RAB18: variants seen among roughly 807,000 people sequenced by gnomAD.
RAB18 encodes RAB18, member RAS oncogene family, also known as ras-related protein Rab-18.
Under a neutral mutation model 28.5 loss-of-function variants are expected in RAB18, and 10 were observed. That is an observed-to-expected ratio of 0.35 (90% CI 0.22 to 0.60). The LOEUF (loss-of-function observed/expected upper bound fraction) is 0.60. Ranked by LOEUF, RAB18 falls within the 20% of genes least tolerant of loss-of-function variation. The pLI is 0.78. For synonymous variants in RAB18, 93 were observed against 86.9 expected (o/e 1.07, Z -0.39); for missense variants, 188 against 244.2 (o/e 0.77, Z 1.53).
At position 27,541,492 on chromosome 10, in the gene RAB18, A is replaced by G. The variant is rs1028713271; in HGVS notation, c.*3441A>G. On this transcript the variant is annotated 3_prime_UTR_variant, in exon 7 of 7. Transcript: ENST00000356940. ...CAGTCATGTTTCTGATTGTGGTATA[A>G]AGTTTGCTTAAGTGCCCCTTAGTTA... The G allele has an allele frequency of 6.6e-6, 3 of 453,750 alleles. No homozygotes were observed. The highest frequency in any genetic ancestry group is 6.0e-5 in the African/African-American group (3 of 49,902). 28.1% of individuals were successfully genotyped at this position (453,750 alleles called of 1,614,324 possible).
At position 27,504,350 on chromosome 10, in the gene RAB18, C is replaced by G; in HGVS notation, c.-20C>G. 2 of 1,568,692 alleles carry G rather than the reference C, an allele frequency of 1.3e-6. No individual in the cohort carries two copies. The highest frequency in any genetic ancestry group is 1.7e-6 in the Non-Finnish European group (2 of 1,157,580). On this transcript the variant is annotated 5_prime_UTR_variant, in exon 1 of 7. Transcript: ENST00000356940. ...GCGCACCCGGGCGGCCAGCTGGGCT[C>G]GGAGCGGAACGGGGTCAGGATGGAC... is the stretch of plus-strand genomic sequence containing the variant.
chr10:27,540,876 A>C lies in RAB18; in HGVS notation c.*2825A>C, dbSNP rs1424015831. 20 of 453,944 alleles carry C rather than the reference A, an allele frequency of 4.4e-5. No individual in the cohort carries two copies. Among genetic ancestry groups the C allele is most frequent in the Non-Finnish European group, 7.9e-5 (18 of 226,776 alleles). The allele number at this position is 453,944 out of a possible 1,614,324, so 28.1% of individuals were successfully genotyped here. On this transcript the variant is annotated 3_prime_UTR_variant, in exon 7 of 7. Coordinates refer to ENST00000356940, the MANE Select transcript of RAB18 (RefSeq NM_021252.5). Reference sequence around the variant, plus strand: ...GGTCAAGAGACATGATTCTCTACTAAGGGTGGGGCTAGCACCATAGCTCAT... The same window carrying C: ...GGTCAAGAGACATGATTCTCTACTACGGGTGGGGCTAGCACCATAGCTCAT...
Position 27,520,916 on chromosome 10 carries a change from C to CAAAA in RAB18, c.125-5890_125-5887dup, listed in dbSNP as rs58688075. On this transcript the variant is annotated intron_variant, in intron 2 of 6. Coordinates refer to ENST00000356940, the MANE Select transcript of RAB18 (RefSeq NM_021252.5). ...TGGGTGACAGAGCAAGACTCCATCT[C>CAAAA]AAAAAAAAAAAAAAAAAAAAAAAAA... Among the ~76,000 whole-genome samples the CAAAA allele has an allele frequency of 3.5e-3, 139 of 40,080 alleles. 6 individuals carry two copies. The highest frequency in any genetic ancestry group is 0.013 in the African/African-American group (127 of 10,158). The allele number at this position is 40,080 out of a possible 152,430, so 26.3% of individuals were successfully genotyped here. A position where few individuals can be genotyped will look rare whatever the true frequency, so the allele number is the denominator to read the frequency against.
Position 27,539,520 on chromosome 10 carries a change from A to G in RAB18, c.*1469A>G, listed in dbSNP as rs1564840319. On this transcript the variant is annotated 3_prime_UTR_variant, in exon 7 of 7. Transcript: ENST00000356940. The stretch of plus-strand genomic sequence containing the variant: ...TGGTTGAAGGTTTTATACATTCTAT[A>G]TGCTTTTACTAAATATACAAGATTT... 7.9e-6 allele frequency: 3 copies of G among 378,018 alleles called. No individual in the cohort carries two copies. Among genetic ancestry groups the G allele is most frequent in the South Asian group, 4.2e-5 (2 of 47,698 alleles). The allele number at this position is 378,018 out of a possible 1,614,324, so 23.4% of individuals were successfully genotyped here. A position where few individuals can be genotyped will look rare whatever the true frequency, so the allele number is the denominator to read the frequency against.
intron 2 of RAB18, 79 bp downstream of exon 2, chr10:27,510,009 C>A: frequency 1.9e-6 from 2 of 1,078,064 alleles, no homozygotes; most frequent in Non-Finnish European, 2.9e-6. Context: ...ATCCTTCTAC[C>A]TTCCTCTCAC....
chr10:27,508,725 A>G (rs1016275364), intron 1 of RAB18, among the ~76,000 whole-genome samples: 1 of 152,214 alleles, frequency 6.6e-6, no homozygotes, highest in African/African-American at 2.4e-5. Flanking sequence ...TAATCGTTCA[A>G]ATATATTTAA....
intron 6 of RAB18, among the ~76,000 whole-genome samples, chr10:27,537,224 T>A (rs902644738): frequency 6.6e-6 from 1 of 152,238 alleles, no homozygotes; most frequent in African/African-American, 2.4e-5. Context: ...CAGGCAGTTC[T>A]TGCCAGATTG....
chr10:27,525,276 A>G (rs1834649117), intron 2 of RAB18, among the ~76,000 whole-genome samples: 1 of 152,120 alleles, frequency 6.6e-6, no homozygotes, highest in African/African-American at 2.4e-5. Flanking sequence ...TTAGTTCTTT[A>G]TATACTCCCT....
rs757456013 is a variant in RAB18 at position 27,541,876 on chromosome 10, G to A, written c.*3825G>A. 1 of 448,020 alleles carries A rather than the reference G, an allele frequency of 2.2e-6. No individual in the cohort carries two copies. The highest frequency in any genetic ancestry group is 1.6e-5 in the South Asian group (1 of 63,860). 27.8% of individuals were successfully genotyped at this position (448,020 alleles called of 1,614,324 possible). A position where few individuals can be genotyped will look rare whatever the true frequency, so the allele number is the denominator to read the frequency against. ...ATTGGCATGTGGTTTGGGTGGCATTGTCACACCCTCGGCTTTCTAGATTAA... is the reference window on the plus strand; with the variant it reads ...ATTGGCATGTGGTTTGGGTGGCATTATCACACCCTCGGCTTTCTAGATTAA... On this transcript the variant is annotated 3_prime_UTR_variant, in exon 7 of 7. Transcript: ENST00000356940.
intron 1 of RAB18, 116 bp downstream of exon 1, chr10:27,504,553 C>G: frequency 8.4e-7 from 1 of 1,196,508 alleles, no homozygotes; most frequent in Non-Finnish European, 1.2e-6. Context: ...CGGGCCGGCT[C>G]CGCTCGCGCC....
intron 2 of RAB18, among the ~76,000 whole-genome samples, chr10:27,512,666 C>T (rs1274386148): frequency 6.6e-6 from 1 of 152,112 alleles, no homozygotes; most frequent in Non-Finnish European, 1.5e-5. Flanking sequence ...TTGGTCAGAA[C>T]CTGCCTGAGT....
intron 2 of RAB18, among the ~76,000 whole-genome samples, chr10:27,523,622 T>G (rs1374455812): frequency 1.3e-5 from 2 of 149,934 alleles, no homozygotes; most frequent in Admixed American, 1.3e-4. Context: ...TTTTTTTTTT[T>G]TTTTTTTTGA....
chr10:27,509,296 A>T (rs577593821), intron 1 of RAB18, among the ~76,000 whole-genome samples: 1 of 151,928 alleles, frequency 6.6e-6, no homozygotes, highest in African/African-American at 2.4e-5. Flanking sequence ...GGTTTTACAC[A>T]CTCTACCTAG....
At chr10:27,506,267 G>C (rs1410740400) in intron 1 of RAB18, among the ~76,000 whole-genome samples, 3 of 152,108 alleles carry the variant, frequency 2.0e-5, no homozygotes, top group African/African-American at 7.2e-5. Flanking sequence ...ACAAGTTAGG[G>C]TATGTTAAAA....
rs1025541929 is a variant in RAB18 at position 27,538,123 on chromosome 10, G to A, written c.*72G>A. On this transcript the variant is annotated 3_prime_UTR_variant, in exon 7 of 7. Coordinates refer to ENST00000356940, the MANE Select transcript of RAB18 (RefSeq NM_021252.5). Reference sequence around the variant, plus strand: ...CTTTCTGTATATAAACTCTTTAACTGCTATTTTAGGGACCTTGCAGTTTGC... The same window carrying A: ...CTTTCTGTATATAAACTCTTTAACTACTATTTTAGGGACCTTGCAGTTTGC... 11 of 1,579,256 alleles carry A rather than the reference G, an allele frequency of 7.0e-6. No homozygotes were observed. The African/African-American group carries it at 1.3e-4, about 19-fold the overall frequency.
Position 27,515,732 on chromosome 10 carries a change from CA to C in RAB18, c.124+5814del, listed in dbSNP as rs890526216. Among the ~76,000 whole-genome samples, 364 of 141,688 alleles carry C rather than the reference CA, an allele frequency of 2.6e-3. 3 individuals are homozygous for C. Among genetic ancestry groups the C allele is most frequent in the African/African-American group, 8.1e-3 (309 of 38,078 alleles). 93.0% of individuals were successfully genotyped at this position (141,688 alleles called of 152,430 possible). ...CTGGGTGACAGAGCAAGACCTGTCT[CA>C]AAAAAAAAAAATTTTTTTTCATGAC... is the stretch of plus-strand genomic sequence containing the variant. On this transcript the variant is annotated intron_variant, in intron 2 of 6. Coordinates refer to ENST00000356940, the MANE Select transcript of RAB18 (RefSeq NM_021252.5).
chr10:27,510,348 G>T, intron 2 of RAB18: 1 of 228,122 alleles, frequency 4.4e-6, no homozygotes, highest in South Asian at 6.2e-5. Context: ...TGTTAATTTT[G>T]TATGTTCAGC....
At chr10:27,535,954 G>T (rs1455262255) in intron 6 of RAB18, among the ~76,000 whole-genome samples, 1 of 152,198 alleles carries the variant, frequency 6.6e-6, no homozygotes, top group South Asian at 2.1e-4. Flanking sequence ...GTGGTGGCGG[G>T]TGCCTGTAGT....
chr10:27,541,707 A>C lies in RAB18; in HGVS notation c.*3656A>C, dbSNP rs1282461208. On this transcript the variant is annotated 3_prime_UTR_variant, in exon 7 of 7. Coordinates refer to ENST00000356940, the MANE Select transcript of RAB18 (RefSeq NM_021252.5). ...TAGTTTTTTTTGTGTTTCTTTGATT[A>C]CTAGTGAGCTTGAGTACTTTTAATA... is the stretch of plus-strand genomic sequence containing the variant. 1 of 447,944 alleles carries C rather than the reference A, an allele frequency of 2.2e-6. No homozygotes were observed. The highest frequency in any genetic ancestry group is 7.0e-5 in the East Asian group (1 of 14,266). 27.7% of individuals were successfully genotyped at this position (447,944 alleles called of 1,614,324 possible). A position where few individuals can be genotyped will look rare whatever the true frequency, so the allele number is the denominator to read the frequency against.
Sources: gnomAD v4.1 joint callset for allele counts (sites outside exome capture counted in the v4.1 genomes callset) on GRCh38, gnomAD v4.1.1 for gene constraint, MANE v1.5 for transcripts, NCBI Gene and HGNC (gene_info 2026-07-23, HGNC 2026-07-21) for gene names.